Variants in COL24A1 observed in about 807,000 individuals in gnomAD.
COL24A1 encodes the protein collagen type XXIV alpha 1 chain, also known as collagen alpha-1(XXIV) chain.
In COL24A1, 224 loss-of-function variants were observed where a neutral mutation model predicts 253.9. The ratio of observed to expected loss-of-function variants is 0.88; its 90% CI spans 0.79 to 0.99. The LOEUF is 0.99. Ranked by LOEUF, COL24A1 falls within the 50% of genes least tolerant of loss-of-function variation. COL24A1 has a pLI of 0.00. For missense variants in COL24A1, 2,131 were observed against 2,068.5 expected (o/e 1.03, Z -0.59); for synonymous variants, 685 against 673.7 (o/e 1.02, Z -0.26).
At chr1:86,142,754 C>T (rs960697608) in intron 2 of COL24A1, among the ~76,000 whole-genome samples, 18 of 151,854 alleles carry the variant, frequency 1.2e-4, no homozygotes, top group African/African-American at 4.3e-4. Flanking sequence ...GGAAGAAAAA[C>T]ATAACGCAGG....
intron 12 of COL24A1, among the ~76,000 whole-genome samples, chr1:86,036,281 C>T (rs1699011308): frequency 6.6e-6 from 1 of 152,044 alleles, no homozygotes; most frequent in Admixed American, 6.6e-5. Flanking sequence ...AGCCACTGTA[C>T]CAAGCCGTTG....
At chr1:85,761,503 A>T in intron 54 of COL24A1, 28 bp downstream of exon 54, 1 of 1,613,962 alleles carries the variant, frequency 6.2e-7, no homozygotes, top group Non-Finnish European at 8.5e-7. Context: ...CATCAATGGT[A>T]AACAGATATA....
At chr1:85,810,408 A>T (rs1672408851) in intron 47 of COL24A1, among the ~76,000 whole-genome samples, 1 of 152,188 alleles carries the variant, frequency 6.6e-6, no homozygotes, top group African/African-American at 2.4e-5. Flanking sequence ...CTATAAATAT[A>T]GCTAGCCAGC....
rs756109593 is a variant in COL24A1 at position 85,868,541 on chromosome 1, C to A, written c.3278G>T (p.Arg1093Ile). 1 of 1,613,796 alleles carries A rather than the reference C, an allele frequency of 6.2e-7. No individual in the cohort carries two copies. The highest frequency in any genetic ancestry group is 8.5e-7 in the Non-Finnish European group (1 of 1,179,766). ...TACCGGAAGGCCTGTTTGGCCTGAT[C>A]TACCCAAGGGTCCTATAATTCCTGG... ...GLPGIIGPLG[R>I]SGQTGLPGPE... Residue 1093 changes from arginine to isoleucine, a missense_variant, in exon 37 of 60, where the codon AGA becomes ATA. Arg to Ile is a moderately conservative substitution (Grantham distance 97). Transcript: ENST00000370571.
At chr1:85,823,122 T>C (rs1673835732) in intron 45 of COL24A1, among the ~76,000 whole-genome samples, 1 of 152,202 alleles carries the variant, frequency 6.6e-6, no homozygotes, top group South Asian at 2.1e-4. Flanking sequence ...AAGTCTTCCT[T>C]ACCATGCTTT....
chr1:85,833,239 C>T (rs1220525868), intron 43 of COL24A1, among the ~76,000 whole-genome samples: 1 of 152,102 alleles, frequency 6.6e-6, no homozygotes, highest in Non-Finnish European at 1.5e-5. Flanking sequence ...GGGCTAATAT[C>T]CAGAATCTAC....
chr1:85,973,858 T>A (rs1009821981), intron 20 of COL24A1, among the ~76,000 whole-genome samples: 2 of 152,048 alleles, frequency 1.3e-5, no homozygotes, highest in Admixed American at 6.6e-5. Flanking sequence ...AGAAAAAAAA[T>A]CTAGTTATAT....
intron 47 of COL24A1, among the ~76,000 whole-genome samples, chr1:85,803,526 A>G (rs563750002): frequency 2.0e-5 from 3 of 151,810 alleles, no homozygotes; most frequent in African/African-American, 7.2e-5. Context: ...TATACCATGT[A>G]TTTAGGACTT....
At chr1:85,874,257 G>GT (rs887471678) in intron 35 of COL24A1, among the ~76,000 whole-genome samples, 47 of 151,086 alleles carry the variant, frequency 3.1e-4, no homozygotes, top group Admixed American at 1.8e-3. Flanking sequence ...CATAGGTTTG[G>GT]TTTTTTTTTA....
In COL24A1 at chr1:86,056,283, A is replaced by T. The variant is rs1261195689; in HGVS notation, c.1851+1648T>A. Among the ~76,000 whole-genome samples the T allele has an allele frequency of 9.2e-5, 14 of 152,166 alleles. 1 individual carries two copies. Among genetic ancestry groups the T allele is most frequent in the Admixed American group, 9.2e-4 (14 of 15,282 alleles). On this transcript the variant is annotated intron_variant, in intron 10 of 59. Coordinates refer to ENST00000370571, the MANE Select transcript of COL24A1 (RefSeq NM_152890.7). ...TACTTAATGCAAGAACAAAGACAGC[A>T]TGAGCTCATGAAAAGAGGTCAGGGC...
chr1:85,784,265 C>A lies in COL24A1; in HGVS notation c.4161G>T (p.Gly1387=), dbSNP rs775995054. The A allele has an allele frequency of 1.1e-5, 17 of 1,613,876 alleles. No individual in the cohort carries two copies. Among genetic ancestry groups the A allele is most frequent in the Non-Finnish European group, 1.4e-5 (17 of 1,179,828 alleles). ...TTTCTGAGGTGGTACATACAGGCTG[C>A]CCTTTCAGGCCAGGGTCTCCACATG... ...QGPCGDPGLK[G]QPGEYGVQGL... is the part of the protein sequence containing the mutation. The change falls in exon 49 of 60, where the codon GGG becomes GGT. Residue 1387 remains glycine, a synonymous_variant. Coordinates refer to ENST00000370571, the MANE Select transcript of COL24A1 (RefSeq NM_152890.7).
rs568963957 is a variant in COL24A1, at chr1:85,803,441, A to C, written c.3951+13347T>G. Among the ~76,000 whole-genome samples the C allele has an allele frequency of 1.3e-3, 200 of 151,590 alleles. 1 individual carries two copies. The highest frequency in any genetic ancestry group is 0.011 in the South Asian group (53 of 4,814). ...CAAGACTCCATCTCAAAAAAAAAAA[A>C]AAAACCATAAACAAACAAAACAAAA... On this transcript the variant is annotated intron_variant, in intron 47 of 59. Transcript: ENST00000370571.
chr1:85,768,546 A>C (rs564803155), intron 53 of COL24A1, among the ~76,000 whole-genome samples: 7 of 145,726 alleles, frequency 4.8e-5, no homozygotes, highest in Admixed American at 1.4e-4. Flanking sequence ...TTAATCTCTA[A>C]AGAACTCTTT....
chr1:86,151,419 C>T (rs961655678), intron 1 of COL24A1, among the ~76,000 whole-genome samples: 7 of 152,028 alleles, frequency 4.6e-5, no homozygotes, highest in Non-Finnish European at 1.0e-4. Context: ...AATAAATCAA[C>T]AATATGGTAA....
chr1:85,882,046 T>A (rs1257695511), intron 32 of COL24A1, among the ~76,000 whole-genome samples: 2 of 152,216 alleles, frequency 1.3e-5, no homozygotes, highest in African/African-American at 4.8e-5. Flanking sequence ...AAAATATTTT[T>A]AAATTATTCC....
chr1:85,790,881 A>G (rs1404688789), intron 47 of COL24A1, among the ~76,000 whole-genome samples: 2 of 152,168 alleles, frequency 1.3e-5, no homozygotes, highest in African/African-American at 4.8e-5. Context: ...CCTCACAGGA[A>G]TGCAACAGTC....
chr1:86,045,051 A>G (rs1337731122), intron 12 of COL24A1, among the ~76,000 whole-genome samples: 2 of 152,022 alleles, frequency 1.3e-5, no homozygotes, highest in African/African-American at 4.8e-5. Context: ...GTGCAGTGGC[A>G]CGATCTCAGC....
chr1:85,872,366 A>G (rs1680623727), intron 35 of COL24A1, among the ~76,000 whole-genome samples: 1 of 152,238 alleles, frequency 6.6e-6, no homozygotes, highest in Non-Finnish European at 1.5e-5. Context: ...TATGGAAACA[A>G]AAAAGAGCCT....
intron 47 of COL24A1, among the ~76,000 whole-genome samples, chr1:85,795,731 GA>G (rs1006991835): frequency 3.9e-5 from 6 of 151,934 alleles, no homozygotes; most frequent in Non-Finnish European, 1.5e-5. Context: ...AAGATAATAA[GA>G]AAAATTAATT....
Sources: allele counts gnomAD v4.1 joint callset (sites outside exome capture counted in the v4.1 genomes callset), GRCh38; gene constraint gnomAD v4.1.1; transcripts MANE v1.5; gene names NCBI Gene and HGNC (gene_info 2026-07-23, HGNC 2026-07-21).